Variants in TCF12 observed in about 807,000 individuals in gnomAD.
TCF12 encodes DNA-binding protein HTF4.
A neutral mutation model predicts 86.0 loss-of-function variants in TCF12; 45 were observed. That is an observed-to-expected ratio of 0.52 (90% CI 0.41 to 0.67). TCF12 has a LOEUF of 0.67. TCF12 is among the 30% of genes least tolerant of loss of function. The pLI is 0.00. For missense variants in TCF12, 881 were observed against 859.9 expected, an observed-to-expected ratio of 1.02 and a Z score of -0.31; for synonymous variants, 330 against 299.6, an observed-to-expected ratio of 1.10 and a Z score of -1.05.
chr15:57,003,373 T>A (rs140567270), intron 3 of TCF12, among the ~76,000 whole-genome samples: 18 of 152,324 alleles, frequency 1.2e-4, no homozygotes, highest in African/African-American at 3.4e-4. Flanking sequence ...TATTGTTGAT[T>A]CATTAACATT....
chr15:57,196,322 G>A (rs935350510), intron 7 of TCF12, among the ~76,000 whole-genome samples: 6 of 152,066 alleles, frequency 3.9e-5, no homozygotes, highest in Admixed American at 2.6e-4. Flanking sequence ...ATAATTTAAA[G>A]TATGTAAGAG....
intron 5 of TCF12, among the ~76,000 whole-genome samples, chr15:57,140,966 C>G (rs1297698472): frequency 1.3e-5 from 2 of 152,122 alleles, no homozygotes; most frequent in Non-Finnish European, 2.9e-5. Context: ...TACGTTCTCT[C>G]AAGGTACTTA....
At chr15:57,163,709 A>G (rs1207155694) in intron 5 of TCF12, among the ~76,000 whole-genome samples, 1 of 152,210 alleles carries the variant, frequency 6.6e-6, no homozygotes, top group Non-Finnish European at 1.5e-5. Flanking sequence ...TCTCAAAATA[A>G]ATAAATGAAT....
At position 57,064,795 on chromosome 15, in the gene TCF12, C is replaced by CAAAAAAAAAAA. The variant is rs1177544594; in HGVS notation, c.222+980_222+990dup. On this transcript the variant is annotated intron_variant, in intron 4 of 20. Coordinates refer to ENST00000333725, the MANE Select transcript of TCF12 (RefSeq NM_207037.2). ...TGGGCCACAGAGTGAGACTCCATCT[C>CAAAAAAAAAAA]AAAAAAAAAAAAAAAAAAGAGAGAG... Among the ~76,000 whole-genome samples the CAAAAAAAAAAA allele has an allele frequency of 1.2e-3, 97 of 78,050 alleles. 3 individuals carry two copies. The highest frequency in any genetic ancestry group is 6.4e-3 in the African/African-American group (87 of 13,694). The allele number at this position is 78,050 out of a possible 152,430, so 51.2% of individuals were successfully genotyped here. A position where few individuals can be genotyped will look rare whatever the true frequency, so the allele number is the denominator to read the frequency against.
At chr15:56,992,856 T>C (rs1377575087) in intron 3 of TCF12, among the ~76,000 whole-genome samples, 1 of 152,194 alleles carries the variant, frequency 6.6e-6, no homozygotes, top group African/African-American at 2.4e-5. Flanking sequence ...TATAAGGATA[T>C]TTGAGGAGTT....
At chr15:57,255,547 G>A (rs1428939147) in intron 16 of TCF12, among the ~76,000 whole-genome samples, 1 of 152,108 alleles carries the variant, frequency 6.6e-6, no homozygotes, top group African/African-American at 2.4e-5. Context: ...GCAGTGCCGT[G>A]ATCTCGGCTC....
chr15:57,055,396 G>A (rs1596320233), intron 3 of TCF12, among the ~76,000 whole-genome samples: 1 of 152,056 alleles, frequency 6.6e-6, no homozygotes, highest in Admixed American at 6.5e-5. Context: ...CAAAAACTCT[G>A]TCTCAAAAAA....
chr15:57,148,667 G>A (rs2053536896), intron 5 of TCF12, among the ~76,000 whole-genome samples: 1 of 143,868 alleles, frequency 7.0e-6, no homozygotes, highest in Non-Finnish European at 1.5e-5. Flanking sequence ...GATCACTTGA[G>A]TCTAGGAGTT....
chr15:57,263,069 G>T, intron 17 of TCF12, 43 bp from the exon 18 acceptor site: 1 of 1,566,590 alleles, frequency 6.4e-7, no homozygotes, highest in Non-Finnish European at 8.6e-7. Context: ...ATTCATATAT[G>T]AGTCTCGTCT....
chr15:57,058,553 A>T (rs757747943), intron 3 of TCF12, among the ~76,000 whole-genome samples: 13 of 152,160 alleles, frequency 8.5e-5, no homozygotes, highest in Non-Finnish European at 1.5e-4. Flanking sequence ...GATTCCTTCT[A>T]ATCTTTCCAC....
At chr15:57,137,937 G>C (rs1176833015) in intron 5 of TCF12, among the ~76,000 whole-genome samples, 1 of 152,074 alleles carries the variant, frequency 6.6e-6, no homozygotes, top group Non-Finnish European at 1.5e-5. Flanking sequence ...TGAGGCAGGA[G>C]AATCATTTGA....
At chr15:57,120,820 G>A (rs1382603705) in intron 5 of TCF12, among the ~76,000 whole-genome samples, 1 of 152,106 alleles carries the variant, frequency 6.6e-6, no homozygotes, top group Non-Finnish European at 1.5e-5. Context: ...GAGTTTGGTT[G>A]TTAAGTGGGC....
chr15:57,116,073 A>G (rs778293731), intron 5 of TCF12, among the ~76,000 whole-genome samples: 47 of 152,194 alleles, frequency 3.1e-4, no homozygotes, highest in Non-Finnish European at 6.0e-4. Context: ...AAAGTGGGGC[A>G]GGTATTGTTA....
chr15:57,263,231 T>A lies in TCF12; in HGVS notation c.1702T>A (p.Ser568Thr), dbSNP rs770895473. ...AGATGACATGAAGTCAGATGATGAA[T>A]CCTCCCAAAAAGATATCAAGGTTTC... ...SSDDMKSDDE[S>T]SQKDIKVSSR... The change falls in exon 18 of 21, where the codon TCC (serine) becomes ACC (threonine). Residue 568 changes from serine to threonine, a missense_variant. Physicochemically the swap from Ser to Thr is moderately conservative, Grantham distance 58. This residue lies in a region of TCF12 where 766 missense variants were observed against 718.9 expected (regional missense o/e 1.07). Coordinates refer to ENST00000333725, the MANE Select transcript of TCF12 (RefSeq NM_207037.2). The A allele has an allele frequency of 6.2e-7, 1 of 1,612,056 alleles. No homozygotes were observed. The highest frequency in any genetic ancestry group is 8.5e-7 in the Non-Finnish European group (1 of 1,179,506).
chr15:56,964,100 T>C (rs548439567), intron 3 of TCF12, among the ~76,000 whole-genome samples: 1 of 152,326 alleles, frequency 6.6e-6, no homozygotes, highest in South Asian at 2.1e-4. Flanking sequence ...TCCACCTCAG[T>C]GCTAATTTTC....
At chr15:57,045,058 T>C (rs570097336) in intron 3 of TCF12, among the ~76,000 whole-genome samples, 2 of 152,300 alleles carry the variant, frequency 1.3e-5, no homozygotes, top group African/African-American at 4.8e-5. Context: ...TAGAAAACAG[T>C]AACATTTTCT....
intron 8 of TCF12, among the ~76,000 whole-genome samples, chr15:57,216,513 G>A (rs1444369790): frequency 6.8e-6 from 1 of 147,982 alleles, no homozygotes; most frequent in African/African-American, 2.5e-5. Flanking sequence ...GTCTCCAGCT[G>A]ACTCGTTTTG....
intron 5 of TCF12, among the ~76,000 whole-genome samples, chr15:57,136,927 A>G (rs1411168789): frequency 7.0e-6 from 1 of 141,910 alleles, no homozygotes; most frequent in Non-Finnish European, 1.5e-5. Flanking sequence ...CTGGAATCAC[A>G]GACAATAGAC....
At chr15:57,060,224 A>G (rs1251201783) in intron 3 of TCF12, among the ~76,000 whole-genome samples, 3 of 152,228 alleles carry the variant, frequency 2.0e-5, no homozygotes, top group Admixed American at 6.5e-5. Flanking sequence ...CAAAAGAAAG[A>G]GGCGGATTGC....
Sources: allele counts gnomAD v4.1 joint callset (sites outside exome capture counted in the v4.1 genomes callset), GRCh38; gene constraint gnomAD v4.1.1; regional missense constraint gnomAD v4.1.1; transcripts MANE v1.5; gene names NCBI Gene and HGNC (gene_info 2026-07-23, HGNC 2026-07-21).